Variants in APOL5 observed in about 807,000 individuals in gnomAD.
APOL5 encodes the protein apolipoprotein L5.
In APOL5, 29 loss-of-function variants were observed where a neutral mutation model predicts 35.5. The observed-to-expected ratio is 0.82, with a 90% CI of 0.61 to 1.11. APOL5 has a LOEUF of 1.11. Among genes scored for constraint, APOL5 ranks in the 50% most tolerant of loss-of-function variants. The probability of loss-of-function intolerance (pLI) is 0.00; values close to 1 mark genes in which losing one functional copy is unlikely to be tolerated. For synonymous variants in APOL5, 188 were observed against 200.2 expected, an observed-to-expected ratio of 0.94 and a Z score of 0.51; for missense variants, 514 against 530.4, an observed-to-expected ratio of 0.97 and a Z score of 0.30.
At chr22:35,712,150 C>A in the APOL5 span, among the ~76,000 whole-genome samples, 1 of 151,992 alleles carries the variant, frequency 6.6e-6, no homozygotes, top group Non-Finnish European at 1.5e-5. Context: ...GGGACACAGG[C>A]ATGTGCATCA....
At chr22:35,724,484 A>C (rs573975749) in intron 2 of APOL5, among the ~76,000 whole-genome samples, 2 of 152,138 alleles carry the variant, frequency 1.3e-5, no homozygotes, top group Non-Finnish European at 2.9e-5. Flanking sequence ...ATATATGTAT[A>C]CATTATAAAT....
At chr22:35,722,959 C>T (rs1927025007) in intron 2 of APOL5, among the ~76,000 whole-genome samples, 2 of 152,122 alleles carry the variant, frequency 1.3e-5, no homozygotes. Context: ...CACTGAACTC[C>T]TAGGTTTACA....
At chr22:35,720,447 C>CTT in intron 1 of APOL5, 121 bp from the exon 2 acceptor site, 15 of 615,266 alleles carry the variant, frequency 2.4e-5, no homozygotes, top group Non-Finnish European at 2.6e-5. Context: ...TTGTTGTATT[C>CTT]TTTTTTTTTT....
At chr22:35,724,176 G>GT (rs1422648210) in intron 2 of APOL5, among the ~76,000 whole-genome samples, 1 of 151,548 alleles carries the variant, frequency 6.6e-6, no homozygotes, top group Non-Finnish European at 1.5e-5. Context: ...ATAGTAAAAA[G>GT]TAAGTGTCGC....
chr22:35,711,627 C>CCTTCT, the APOL5 span, among the ~76,000 whole-genome samples: 1 of 69,886 alleles, frequency 1.4e-5, no homozygotes, highest in African/African-American at 5.0e-5. Flanking sequence ...TCCTTCCTTC[C>CCTTCT]TTCCTTCCTT....
At chr22:35,709,194 T>C in the APOL5 span, among the ~76,000 whole-genome samples, 1 of 152,250 alleles carries the variant, frequency 6.6e-6, no homozygotes, top group Non-Finnish European at 1.5e-5. Flanking sequence ...AACGTATGCA[T>C]ATGCAGGTTT....
upstream of APOL5, among the ~76,000 whole-genome samples, chr22:35,713,578 G>T (rs545137569): frequency 8.5e-5 from 13 of 152,248 alleles, no homozygotes; most frequent in African/African-American, 2.9e-4. Flanking sequence ...ATGGCGCCCC[G>T]CCACTCATCG....
At chr22:35,727,868 A>T (rs1030419531) in intron 3 of APOL5, among the ~76,000 whole-genome samples, 2 of 152,254 alleles carry the variant, frequency 1.3e-5, no homozygotes, top group Non-Finnish European at 2.9e-5. Context: ...AAATTCCTAG[A>T]TATAAAAACT....
At chr22:35,711,025 C>T in the APOL5 span, among the ~76,000 whole-genome samples, 8 of 152,070 alleles carry the variant, frequency 5.3e-5, no homozygotes, top group Non-Finnish European at 1.0e-4. Flanking sequence ...AAATATTAGC[C>T]GGGCATGGTG....
At chr22:35,728,976 G>C (rs1601901866) in intron 4 of APOL5, 72 bp downstream of exon 4, 12 of 1,444,696 alleles carry the variant, frequency 8.3e-6, no homozygotes, top group Middle Eastern at 2.4e-4. Context: ...TTGGGTGGGT[G>C]GGCTTCAGGG....
Position 35,726,445 on chromosome 22 carries a change from A to C in APOL5, c.377A>C (p.Gln126Pro). ...AAAGAACTTAACACCCTTGCGGACC[A>C]AGTTGACACCACTCACGAGTTGCTT... ...NIKELNTLADQVDTTHELLTK... is the reference protein window; with the variant it reads ...NIKELNTLADPVDTTHELLTK... Residue 126 changes from glutamine to proline, a missense_variant, in exon 3 of 5, where the codon CAA (glutamine) becomes CCA (proline). Physicochemically the swap from Gln to Pro is moderately conservative, Grantham distance 76. This residue lies in a region of APOL5 where 254 missense variants were observed against 254.7 expected (regional missense o/e 1.00). Coordinates refer to ENST00000249044, the MANE Select transcript of APOL5 (RefSeq NM_030642.1). 15 of 1,614,150 alleles carry C rather than the reference A, an allele frequency of 9.3e-6. No individual in the cohort carries two copies. The highest frequency in any genetic ancestry group is 1.3e-5 in the Non-Finnish European group (15 of 1,180,038).
chr22:35,726,575 C>G lies in APOL5; in HGVS notation c.507C>G (p.Leu169=), dbSNP rs749929863. ...APVTAGGSLM[L]SATGTGLGAA... ...TGACAGCAGGAGGCAGTCTCATGCT[C>G]TCAGCAACTGGGACAGGGTTGGGGG... is the stretch of plus-strand genomic sequence containing the variant. The change falls in exon 3 of 5, where the codon CTC becomes CTG. Residue 169 remains leucine, a synonymous_variant. Transcript: ENST00000249044. 5.3e-5 allele frequency: 85 copies of G among 1,614,068 alleles called. No homozygotes were observed. Among genetic ancestry groups the G allele is most frequent in the Non-Finnish European group, 6.8e-5 (80 of 1,180,042 alleles).
Position 35,726,427 on chromosome 22 carries a change from T to G in APOL5, c.359T>G (p.Leu120Arg), listed in dbSNP as rs1927158002. ...GAGCTAGAACAGAACATCAAAGAAC[T>G]TAACACCCTTGCGGACCAAGTTGAC... ...KFELEQNIKE[L>R]NTLADQVDTT... Residue 120 changes from leucine to arginine, a missense_variant, in exon 3 of 5, where the codon CTT (leucine) becomes CGT (arginine). By Grantham distance (102) the Leu-to-Arg change is moderately radical. Around this residue, in one of 3 missense-constraint regions of APOL5, gnomAD observed 254 missense variants for 254.7 expected, o/e 1.00. Coordinates refer to ENST00000249044, the MANE Select transcript of APOL5 (RefSeq NM_030642.1). 1 of 1,614,034 alleles carries G rather than the reference T, an allele frequency of 6.2e-7. No individual in the cohort carries two copies.
chr22:35,714,884 C>G (rs1443327986), upstream of APOL5, among the ~76,000 whole-genome samples: 1 of 152,210 alleles, frequency 6.6e-6, no homozygotes, highest in Non-Finnish European at 1.5e-5. Context: ...GGAAACCACT[C>G]AGAAGAGTCT....
At chr22:35,720,749 T>C (rs1172553821) in intron 2 of APOL5, 95 bp downstream of exon 2, 2 of 882,260 alleles carry the variant, frequency 2.3e-6, no homozygotes, top group Non-Finnish European at 3.5e-6. Context: ...AGTATTTGGG[T>C]TTTGTTTTGT....
chr22:35,716,608 G>T (rs1926751032), upstream of APOL5, among the ~76,000 whole-genome samples: 1 of 152,116 alleles, frequency 6.6e-6, no homozygotes, highest in Non-Finnish European at 1.5e-5. Flanking sequence ...TGGTAACAAA[G>T]CTCAATAATA....
At chr22:35,709,542 C>T in the APOL5 span, among the ~76,000 whole-genome samples, 1 of 152,180 alleles carries the variant, frequency 6.6e-6, no homozygotes, top group African/African-American at 2.4e-5. Flanking sequence ...ATTACATTTT[C>T]CCTGCTGCCA....
chr22:35,721,866 G>A (rs757591564), intron 2 of APOL5, among the ~76,000 whole-genome samples: 14 of 151,708 alleles, frequency 9.2e-5, no homozygotes, highest in Non-Finnish European at 2.1e-4. Flanking sequence ...TCTTGCCAAA[G>A]TGTCCATAAG....
chr22:35,728,656 C>A, intron 3 of APOL5, 67 bp from the exon 4 acceptor site: 1 of 1,542,332 alleles, frequency 6.5e-7, no homozygotes, highest in Non-Finnish European at 8.8e-7. Context: ...CATATTTGAG[C>A]TTCTGAACGT....
Sources: allele counts gnomAD v4.1 joint callset (sites outside exome capture counted in the v4.1 genomes callset), GRCh38; gene constraint gnomAD v4.1.1; regional missense constraint gnomAD v4.1.1; transcripts MANE v1.5; gene names NCBI Gene and HGNC (gene_info 2026-07-23, HGNC 2026-07-21).